Variants in MIPOL1 observed in about 807,000 individuals in gnomAD.
MIPOL1 encodes mirror-image polydactyly gene 1 protein.
MIPOL1 carries 57 observed loss-of-function variants against 60.9 expected under a neutral mutation model. The observed-to-expected ratio is 0.94, with a 90% CI of 0.76 to 1.17. The LOEUF is 1.17. Ranked by LOEUF, MIPOL1 falls within the 50% of genes most tolerant of loss-of-function variation. MIPOL1 has a pLI of 0.00. For synonymous variants in MIPOL1, 179 were observed against 168.8 expected (o/e 1.06, Z -0.47); for missense variants, 551 against 511.6 (o/e 1.08, Z -0.74).
At chr14:37,460,066 G>A (rs929131727) in intron 11 of MIPOL1, among the ~76,000 whole-genome samples, 1 of 146,578 alleles carries the variant, frequency 6.8e-6, no homozygotes, top group East Asian at 2.0e-4. Context: ...ATGACAGCAA[G>A]ACTCCATCTC....
intron 1 of MIPOL1, among the ~76,000 whole-genome samples, chr14:37,203,869 G>A (rs973089715): frequency 2.6e-5 from 4 of 152,194 alleles, no homozygotes; most frequent in East Asian, 1.9e-4. Flanking sequence ...TGCAACCTCC[G>A]CCTCCCGGGT....
At chr14:37,324,018 A>G (rs1336629324) in intron 9 of MIPOL1, among the ~76,000 whole-genome samples, 2 of 152,056 alleles carry the variant, frequency 1.3e-5, no homozygotes, top group Non-Finnish European at 1.5e-5. Flanking sequence ...TAAGACTGCC[A>G]TGAGAATTCT....
chr14:37,239,754 CAA>C (rs573348839), intron 1 of MIPOL1, among the ~76,000 whole-genome samples: 365 of 152,154 alleles, frequency 2.4e-3, no homozygotes, highest in Non-Finnish European at 4.3e-3. Context: ...AAGAATGACT[CAA>C]GAAATTAAAT....
intron 11 of MIPOL1, among the ~76,000 whole-genome samples, chr14:37,491,222 G>C (rs2095043156): frequency 2.0e-5 from 3 of 152,124 alleles, no homozygotes; most frequent in Admixed American, 2.0e-4. Flanking sequence ...AGGTACTGTA[G>C]TATATTTAAT....
intron 7 of MIPOL1, among the ~76,000 whole-genome samples, chr14:37,293,871 C>T (rs528503304): frequency 2.0e-5 from 3 of 152,212 alleles, no homozygotes; most frequent in South Asian, 2.1e-4. Flanking sequence ...TCTGTAGGCT[C>T]CACCTCTGGG....
chr14:37,368,855 ACTTATATTCT>A (rs1297427028), intron 9 of MIPOL1, among the ~76,000 whole-genome samples: 1 of 152,062 alleles, frequency 6.6e-6, no homozygotes, highest in African/African-American at 2.4e-5. Context: ...TATTATTTTT[ACTTATATTCT>A]CTTATATTCT....
intron 9 of MIPOL1, among the ~76,000 whole-genome samples, chr14:37,355,606 CTTT>C (rs780943541): frequency 0.36 from 42,046 of 116,914 alleles, 9,595 homozygotes; most frequent in Non-Finnish European, 0.5. Context: ...TTGCTCATTT[CTTT>C]TTATTCTTTT....
chr14:37,280,355 C>T (rs1237535923), intron 6 of MIPOL1, among the ~76,000 whole-genome samples: 1 of 152,164 alleles, frequency 6.6e-6, no homozygotes, highest in Non-Finnish European at 1.5e-5. Flanking sequence ...ACTGCTGGAT[C>T]ACATGGTAAC....
intron 11 of MIPOL1, among the ~76,000 whole-genome samples, chr14:37,450,488 G>A (rs965589152): frequency 6.6e-6 from 1 of 151,852 alleles, no homozygotes; most frequent in Non-Finnish European, 1.5e-5. Context: ...ATCAATCTTT[G>A]TAGACGTTTT....
At chr14:37,408,848 A>G (rs2093635931) in intron 10 of MIPOL1, among the ~76,000 whole-genome samples, 1 of 152,202 alleles carries the variant, frequency 6.6e-6, no homozygotes, top group African/African-American at 2.4e-5. Context: ...AGTTTCATCC[A>G]TGCCAGCATT....
At chr14:37,353,438 A>T (rs1409454316) in intron 9 of MIPOL1, among the ~76,000 whole-genome samples, 1 of 150,988 alleles carries the variant, frequency 6.6e-6, no homozygotes, top group East Asian at 1.9e-4. Flanking sequence ...GTTAGGGAGG[A>T]TTCCCTCTTT....
intron 1 of MIPOL1, among the ~76,000 whole-genome samples, chr14:37,204,449 G>A (rs1965773485): frequency 6.6e-6 from 1 of 152,114 alleles, no homozygotes; most frequent in Non-Finnish European, 1.5e-5. Context: ...CATGTTGTGG[G>A]AGGGATCCAG....
At chr14:37,207,181 G>A (rs1486372264) in intron 1 of MIPOL1, among the ~76,000 whole-genome samples, 7 of 152,130 alleles carry the variant, frequency 4.6e-5, no homozygotes, top group Non-Finnish European at 8.8e-5. Flanking sequence ...GGGACCCAGT[G>A]GGAGATACTT....
chr14:37,288,993 A>T (rs896153432), intron 7 of MIPOL1, among the ~76,000 whole-genome samples: 2 of 152,214 alleles, frequency 1.3e-5, no homozygotes, highest in Non-Finnish European at 2.9e-5. Context: ...CACATTAAAA[A>T]ATCTGTAAAA....
chr14:37,501,408 A>T (rs963943719), intron 12 of MIPOL1: 1 of 152,210 alleles, frequency 6.6e-6, no homozygotes, highest in Non-Finnish European at 1.5e-5. Context: ...CTTTATATAT[A>T]ATCCATTAAT....
chr14:37,213,946 A>C (rs1178837385), intron 1 of MIPOL1, among the ~76,000 whole-genome samples: 2 of 152,130 alleles, frequency 1.3e-5, no homozygotes, highest in South Asian at 4.1e-4. Flanking sequence ...GGCAAAAAAA[A>C]CATTATACCC....
chr14:37,371,096 G>A (rs561702130), intron 10 of MIPOL1, among the ~76,000 whole-genome samples: 2 of 151,760 alleles, frequency 1.3e-5, no homozygotes, highest in Non-Finnish European at 2.9e-5. Flanking sequence ...TGCTATTTAT[G>A]GAGAGAAATA....
chr14:37,200,229 C>G (rs1965009406), intron 1 of MIPOL1, among the ~76,000 whole-genome samples: 2 of 152,212 alleles, frequency 1.3e-5, no homozygotes, highest in Admixed American at 6.5e-5. Context: ...TTAGGTTGTA[C>G]AGGCTGTACA....
rs2153645373 is a variant in MIPOL1 at position 37,549,905 on chromosome 14, T to A, written c.*2934T>A. On this transcript the variant is annotated 3_prime_UTR_variant, in exon 13 of 13. Coordinates refer to ENST00000684589, the MANE Select transcript of MIPOL1 (RefSeq NM_001388067.1). The stretch of plus-strand genomic sequence containing the variant: ...GGCCTGATGCTAAAACCTATCAGCT[T>A]AGTTTTTTAACATGGTAGTCTAAAC... 1 of 152,118 alleles carries A rather than the reference T, an allele frequency of 6.6e-6. No individual in the cohort carries two copies. The highest frequency in any genetic ancestry group is 2.4e-5 in the African/African-American group (1 of 41,572). The allele number at this position is 152,118 out of a possible 1,614,324, so 9.4% of individuals were successfully genotyped here. A position where few individuals can be genotyped will look rare whatever the true frequency, so the allele number is the denominator to read the frequency against.
Sources: allele counts gnomAD v4.1 joint callset (sites outside exome capture counted in the v4.1 genomes callset), GRCh38; gene constraint gnomAD v4.1.1; transcripts MANE v1.5; gene names NCBI Gene and HGNC (gene_info 2026-07-23, HGNC 2026-07-21).